The following HERC2 variants were observed in gnomAD, a reference collection of about 807,000 sequenced individuals.
The protein encoded by HERC2 is HECT and RLD domain containing E3 ubiquitin protein ligase 2.
HERC2 carries 102 observed loss-of-function variants against 537.7 expected under a neutral mutation model. That is an observed-to-expected ratio of 0.19 (90% confidence interval 0.16 to 0.22). The LOEUF (loss-of-function observed/expected upper bound fraction) is 0.22. Ranked by LOEUF, HERC2 falls within the 10% of genes least tolerant of loss-of-function variation. HERC2 has a pLI of 1.00. For missense variants in HERC2, 4,236 were observed against 6,198.2 expected (o/e 0.68, Z 10.63); for synonymous variants, 2,224 against 2,466.2 (o/e 0.90, Z 2.91).
intron 20 of HERC2, among the ~76,000 whole-genome samples, chr15:28,250,497 G>A (rs773058127): frequency 2.0e-5 from 3 of 152,142 alleles, no homozygotes; most frequent in Non-Finnish European, 4.4e-5. Context: ...TAATCAAAAC[G>A]TGTAATTCTG....
chr15:28,143,884 T>C lies in HERC2; in HGVS notation c.11407A>G (p.Thr3803Ala), dbSNP rs772282221. The C allele has an allele frequency of 1.2e-6, 2 of 1,614,160 alleles. No individual in the cohort carries two copies. The highest frequency in any genetic ancestry group is 1.7e-6 in the Non-Finnish European group (2 of 1,180,022). The change falls in exon 74 of 93, where the codon ACA becomes GCA. Residue 3803 changes from threonine to alanine, a missense_variant. Transcript: ENST00000261609. ...NRLLGENDGE[T>A]RALSFTGSAL... ...AGAATGCTCCATACCAAAGCTCTTGTTTCCCCATCATTTTCTCCAAGCAGC... is the reference window on the plus strand; with the variant it reads ...AGAATGCTCCATACCAAAGCTCTTGCTTCCCCATCATTTTCTCCAAGCAGC...
At chr15:28,279,994 A>C in intron 5 of HERC2, 74 bp downstream of exon 5, 1 of 1,210,844 alleles carries the variant, frequency 8.3e-7, no homozygotes, top group Non-Finnish European at 1.2e-6. Flanking sequence ...TGAAAACCTT[A>C]AACTTTCTGA....
At chr15:28,320,283 T>C (rs2077196146) in intron 2 of HERC2, 1 of 152,228 alleles carries the variant, frequency 6.6e-6, no homozygotes, top group African/African-American at 2.4e-5. Flanking sequence ...CCTGGCTAAT[T>C]TTGTATTTTT....
chr15:28,180,421 T>C (rs923718555), intron 57 of HERC2, among the ~76,000 whole-genome samples: 5 of 152,262 alleles, frequency 3.3e-5, no homozygotes, highest in African/African-American at 9.6e-5. Context: ...GTACTACTAA[T>C]ATGTATGGTT....
intron 68 of HERC2, among the ~76,000 whole-genome samples, chr15:28,163,775 C>CAG (rs1893854405): frequency 6.6e-6 from 1 of 152,204 alleles, no homozygotes; most frequent in East Asian, 1.9e-4. Flanking sequence ...TCCAGTCTCT[C>CAG]TCTCTCCTTG....
At chr15:28,217,656 A>G (rs141371319) in intron 38 of HERC2, among the ~76,000 whole-genome samples, 11,431 of 152,258 alleles carry the variant, frequency 0.075, 1,482 homozygotes, top group African/African-American at 0.26. Flanking sequence ...ACCTCAGAAT[A>G]TGATCTTATT....
intron 2 of HERC2, among the ~76,000 whole-genome samples, chr15:28,310,318 G>A (rs571658129): frequency 9.5e-4 from 145 of 152,070 alleles, no homozygotes; most frequent in African/African-American, 2.7e-3. Flanking sequence ...GTGGTGGCGC[G>A]CCTGTACTCC....
chr15:28,303,380 C>G (rs1414328043), intron 2 of HERC2, among the ~76,000 whole-genome samples: 1 of 151,846 alleles, frequency 6.6e-6, no homozygotes, highest in Admixed American at 6.6e-5. Flanking sequence ...GTTTTTATAC[C>G]AGTACCATGC....
At position 28,214,098 on chromosome 15, in the gene HERC2, A is replaced by C. The variant is rs372781480; in HGVS notation, c.6533T>G (p.Phe2178Cys). The part of the protein sequence containing the change: ...NSQLRSITHS[F>C]VGRPSEGAQL... ...CACCCCTTCGGAAGGCCTTCCCACA[A>C]AGCTGTGGGTGATGGAGCGGAGCTG... The change falls in exon 41 of 93, where the codon TTT becomes TGT. Residue 2178 changes from phenylalanine (F) to cysteine (C), a missense_variant. Transcript: ENST00000261609. 6.2e-7 allele frequency: 1 copy of C among 1,613,790 alleles called. No individual in the cohort carries two copies. The highest frequency in any genetic ancestry group is 8.5e-7 in the Non-Finnish European group (1 of 1,179,756).
Position 28,201,442 on chromosome 15 carries a change from A to T in HERC2, c.7716+14T>A. The T allele has an allele frequency of 6.7e-7, 1 of 1,490,180 alleles. No individual in the cohort carries two copies. Among genetic ancestry groups the T allele is most frequent in the Non-Finnish European group, 9.4e-7 (1 of 1,067,520 alleles). The allele number at this position is 1,490,180 out of a possible 1,614,324, so 92.3% of individuals were successfully genotyped here. Reference sequence around the variant, plus strand: ...AAAAACGGATCGAGGCTCCAGCTTAAGACAATTACTCACCTGAATATTCTC... The same window carrying T: ...AAAAACGGATCGAGGCTCCAGCTTATGACAATTACTCACCTGAATATTCTC... On this transcript the variant is annotated intron_variant, in intron 48 of 92. Transcript: ENST00000261609.
intron 56 of HERC2, among the ~76,000 whole-genome samples, chr15:28,185,721 C>T (rs139032363): frequency 1.1e-3 from 164 of 152,342 alleles, no homozygotes; most frequent in African/African-American, 3.8e-3. Flanking sequence ...GTAATTCTGA[C>T]TTCTGTACGT....
intron 52 of HERC2, among the ~76,000 whole-genome samples, chr15:28,193,253 T>G (rs1346132763): frequency 1.3e-5 from 2 of 152,144 alleles, no homozygotes; most frequent in African/African-American, 4.8e-5. Flanking sequence ...ATAATAACTA[T>G]GCTTACTGTG....
intron 14 of HERC2, among the ~76,000 whole-genome samples, chr15:28,263,503 T>C (rs955903458): frequency 6.6e-6 from 1 of 152,184 alleles, no homozygotes; most frequent in Admixed American, 6.5e-5. Flanking sequence ...GCCTGGCACA[T>C]TGCAGATGCT....
intron 63 of HERC2, among the ~76,000 whole-genome samples, 199 bp from the exon 64 acceptor site, chr15:28,175,855 T>C (rs368805162): frequency 2.6e-5 from 4 of 151,024 alleles, no homozygotes; most frequent in African/African-American, 9.9e-5. Flanking sequence ...AAAACCTTAA[T>C]ACCTTAATAC....
intron 53 of HERC2, 97 bp downstream of exon 53, chr15:28,191,864 G>C (rs1259541978): frequency 9.4e-7 from 1 of 1,065,584 alleles, no homozygotes; most frequent in Non-Finnish European, 1.4e-6. Context: ...GGTGCTATCA[G>C]CAAAACTTTG....
intron 69 of HERC2, among the ~76,000 whole-genome samples, chr15:28,162,569 T>C (rs1361551410): frequency 6.6e-6 from 1 of 152,060 alleles, no homozygotes; most frequent in Non-Finnish European, 1.5e-5. Flanking sequence ...GACAAATCAT[T>C]TTAAAAAGAT....
intron 4 of HERC2, among the ~76,000 whole-genome samples, chr15:28,280,661 T>A (rs1037759925): frequency 6.6e-6 from 1 of 152,040 alleles, no homozygotes; most frequent in Non-Finnish European, 1.5e-5. Flanking sequence ...TCCCAGCACT[T>A]TGGGAGGCCA....
intron 37 of HERC2, among the ~76,000 whole-genome samples, chr15:28,219,076 T>A (rs1034156906): frequency 3.3e-5 from 5 of 152,226 alleles, no homozygotes; most frequent in African/African-American, 1.2e-4. Flanking sequence ...CAAGAATCTT[T>A]TAAATAATAA....
At chr15:28,321,544 A>G in intron 1 of HERC2, 80 bp from the exon 2 acceptor site, 1 of 671,970 alleles carries the variant, frequency 1.5e-6, no homozygotes, top group South Asian at 1.9e-5. Flanking sequence ...GAAAAGAAAA[A>G]AGAGAGAGAG....
Sources: allele counts gnomAD v4.1 joint callset (sites outside exome capture counted in the v4.1 genomes callset), GRCh38; gene constraint gnomAD v4.1.1; transcripts MANE v1.5; gene names NCBI Gene and HGNC (gene_info 2026-07-23, HGNC 2026-07-21).